The following PRKCA variants were observed in gnomAD, a reference collection of about 807,000 sequenced individuals.
PRKCA encodes protein kinase C alpha, also known as protein kinase C alpha type.
A neutral mutation model predicts 87.0 loss-of-function variants in PRKCA; 27 were observed. That is an observed-to-expected ratio of 0.31 (90% confidence interval 0.23 to 0.43). The LOEUF is 0.43. Among genes scored for constraint, PRKCA ranks in the 20% least tolerant of loss-of-function variants. The probability of loss-of-function intolerance (pLI) is 1.00; values close to 1 mark genes in which losing one functional copy is unlikely to be tolerated. For synonymous variants in PRKCA, 329 were observed against 311.1 expected (o/e 1.06, Z -0.61); for missense variants, 518 against 852.3 (o/e 0.61, Z 4.88).
At chr17:66,381,507 A>T (rs1909773444) in intron 2 of PRKCA, among the ~76,000 whole-genome samples, 1 of 152,154 alleles carries the variant, frequency 6.6e-6, no homozygotes, top group African/African-American at 2.4e-5. Context: ...GAGGGCCATG[A>T]AGTTTAAATT....
chr17:66,764,457 AC>A (rs1365862333), intron 13 of PRKCA, among the ~76,000 whole-genome samples: 1 of 152,094 alleles, frequency 6.6e-6, no homozygotes. Flanking sequence ...ACAAGAAGCT[AC>A]CCCCTGGTCC....
chr17:66,594,463 C>G (rs1443256071), intron 3 of PRKCA, among the ~76,000 whole-genome samples: 1 of 152,162 alleles, frequency 6.6e-6, no homozygotes, highest in Admixed American at 6.6e-5. Context: ...TTTCCAGCGT[C>G]TCTTTATTTC....
chr17:66,539,106 A>AT (rs1967889571), intron 3 of PRKCA, among the ~76,000 whole-genome samples: 1 of 152,282 alleles, frequency 6.6e-6, no homozygotes, highest in East Asian at 1.9e-4. Flanking sequence ...GTACTAAAAC[A>AT]TTTTTTATTG....
intron 8 of PRKCA, among the ~76,000 whole-genome samples, chr17:66,721,036 A>T (rs781083962): frequency 6.6e-6 from 1 of 152,184 alleles, no homozygotes; most frequent in Non-Finnish European, 1.5e-5. Context: ...CTTGAATTTC[A>T]TGGAAGAAAG....
chr17:66,533,034 C>G (rs984273203), intron 3 of PRKCA, among the ~76,000 whole-genome samples: 2 of 152,292 alleles, frequency 1.3e-5, no homozygotes, highest in African/African-American at 4.8e-5. Flanking sequence ...AGGCAGCCAA[C>G]AACACTTCAG....
chr17:66,364,993 A>T (rs1424436188), intron 2 of PRKCA, among the ~76,000 whole-genome samples: 1 of 152,176 alleles, frequency 6.6e-6, no homozygotes, highest in African/African-American at 2.4e-5. Flanking sequence ...TTTCCATTGT[A>T]TGTGTTTAAA....
chr17:66,696,824 C>T (rs1972934437), intron 8 of PRKCA, among the ~76,000 whole-genome samples: 1 of 152,218 alleles, frequency 6.6e-6, no homozygotes, highest in South Asian at 2.1e-4. Flanking sequence ...TGTTTTCACC[C>T]ACTTTCTCCT....
chr17:66,754,928 G>A (rs1974514223), intron 13 of PRKCA, among the ~76,000 whole-genome samples: 1 of 151,994 alleles, frequency 6.6e-6, no homozygotes, highest in South Asian at 2.1e-4. Context: ...CTCCCTCAAG[G>A]CCTTACCTCT....
intron 2 of PRKCA, among the ~76,000 whole-genome samples, chr17:66,341,468 T>C (rs1907041520): frequency 6.6e-6 from 1 of 152,220 alleles, no homozygotes; most frequent in African/African-American, 2.4e-5. Context: ...TGTTCTGAAA[T>C]CTGGGTGCCA....
At chr17:66,649,055 G>A (rs1372907030) in intron 5 of PRKCA, among the ~76,000 whole-genome samples, 2 of 150,640 alleles carry the variant, frequency 1.3e-5, no homozygotes, top group Non-Finnish European at 2.9e-5. Context: ...CCGAGATTGT[G>A]CCACTGCGTT....
intron 2 of PRKCA, among the ~76,000 whole-genome samples, chr17:66,484,069 C>G (rs890284486): frequency 6.6e-6 from 1 of 152,106 alleles, no homozygotes; most frequent in African/African-American, 2.4e-5. Context: ...AGGTGAAAGT[C>G]TCGCCTTACA....
chr17:66,372,048 T>A (rs867859965), intron 2 of PRKCA, among the ~76,000 whole-genome samples: 3 of 152,338 alleles, frequency 2.0e-5, no homozygotes, highest in Middle Eastern at 3.4e-3. Flanking sequence ...TTGCATGGGA[T>A]GTTTGTAATT....
intron 13 of PRKCA, among the ~76,000 whole-genome samples, chr17:66,746,733 A>G (rs943350484): frequency 2.0e-5 from 3 of 152,248 alleles, no homozygotes; most frequent in Non-Finnish European, 4.4e-5. Flanking sequence ...AGGAGCACTC[A>G]TCAGAAAATG....
At chr17:66,477,687 G>A (rs1256113919) in intron 2 of PRKCA, among the ~76,000 whole-genome samples, 2 of 152,202 alleles carry the variant, frequency 1.3e-5, no homozygotes. Context: ...GCAACAGAGT[G>A]AGACTCCGTC....
At chr17:66,780,244 A>AT (rs1975172706) in intron 14 of PRKCA, among the ~76,000 whole-genome samples, 1 of 152,248 alleles carries the variant, frequency 6.6e-6, no homozygotes, top group African/African-American at 2.4e-5. Context: ...TAAATGTGCC[A>AT]TGGAACAGTG....
At chr17:66,746,068 G>A (rs1270461312) in intron 13 of PRKCA, among the ~76,000 whole-genome samples, 5 of 151,662 alleles carry the variant, frequency 3.3e-5, no homozygotes, top group Admixed American at 2.0e-4. Context: ...TCTATATGTG[G>A]ATTCCAGTCA....
chr17:66,429,981 T>C (rs1913016284), intron 2 of PRKCA, among the ~76,000 whole-genome samples: 1 of 152,156 alleles, frequency 6.6e-6, no homozygotes, highest in Non-Finnish European at 1.5e-5. Context: ...GATAGAATAC[T>C]GCTTTTCTCT....
rs547575476 is a variant in PRKCA, at chr17:66,449,004, G to A, written c.206-47197G>A. ...TTAAAAAAAAAAAAAAAAAAAGGTG[G>A]CCAGGTGAGGTGGCTCATGCCTGTA... On this transcript the variant is annotated intron_variant, in intron 2 of 16. Transcript: ENST00000413366. 2.7e-3 allele frequency among the ~76,000 whole-genome samples: 395 copies of A among 147,386 alleles called. 2 individuals are homozygous for A. The highest frequency in any genetic ancestry group is 9.4e-3 in the African/African-American group (378 of 40,392).
At chr17:66,669,873 G>A (rs1972130945) in intron 5 of PRKCA, among the ~76,000 whole-genome samples, 1 of 152,228 alleles carries the variant, frequency 6.6e-6, no homozygotes, top group South Asian at 2.1e-4. Context: ...CTGCACCCCA[G>A]CCTGGGTGAC....
Sources: allele counts gnomAD v4.1 joint callset (sites outside exome capture counted in the v4.1 genomes callset), GRCh38; gene constraint gnomAD v4.1.1; transcripts MANE v1.5; gene names NCBI Gene and HGNC (gene_info 2026-07-23, HGNC 2026-07-21).